PTPRA: variants seen among roughly 807,000 people sequenced by gnomAD.
PTPRA encodes the protein protein tyrosine phosphatase receptor type A.
Under a neutral mutation model 104.8 loss-of-function variants are expected in PTPRA, and 25 were observed. The ratio of observed to expected loss-of-function variants is 0.24; its 90% CI spans 0.17 to 0.33. The LOEUF is 0.33. Ranked by LOEUF, PTPRA falls within the 10% of genes least tolerant of loss-of-function variation. The pLI, the probability that PTPRA is intolerant of heterozygous loss-of-function variation, is 1.00. For synonymous variants in PTPRA, 323 were observed against 368.9 expected, an observed-to-expected ratio of 0.88 and a Z score of 1.43; for missense variants, 765 against 1,015.3, an observed-to-expected ratio of 0.75 and a Z score of 3.35.
intron 11 of PTPRA, among the ~76,000 whole-genome samples, chr20:3,007,793 T>A (rs1019133877): frequency 3.4e-5 from 5 of 145,434 alleles, no homozygotes; most frequent in African/African-American, 1.3e-4. Flanking sequence ...CTATATTATA[T>A]ATGTGTGTGT....
intron 20 of PTPRA, among the ~76,000 whole-genome samples, chr20:3,029,641 A>G (rs1355792500): frequency 7.7e-5 from 11 of 143,392 alleles, no homozygotes; most frequent in South Asian, 2.2e-4. Context: ...GGTTCTGGCA[A>G]TTCTCCTGCC....
intron 1 of PTPRA, among the ~76,000 whole-genome samples, chr20:2,920,211 G>C (rs922347011): frequency 2.0e-5 from 3 of 152,188 alleles, no homozygotes; most frequent in Non-Finnish European, 4.4e-5. Flanking sequence ...TTGAATCAGA[G>C]GTACTTGTGA....
At chr20:2,980,476 C>T (rs2062625566) in intron 6 of PTPRA, among the ~76,000 whole-genome samples, 1 of 151,946 alleles carries the variant, frequency 6.6e-6, no homozygotes, top group African/African-American at 2.4e-5. Flanking sequence ...ATCGCTCGAA[C>T]CAGGAGGCCG....
chr20:2,867,509 C>T, the PTPRA span, among the ~76,000 whole-genome samples: 1 of 72,614 alleles, frequency 1.4e-5, no homozygotes, highest in Non-Finnish European at 2.3e-5. Context: ...CTCTGCTCTC[C>T]CTGTCTAGCC....
chr20:2,982,698 A>AT (rs397962787), intron 6 of PTPRA, among the ~76,000 whole-genome samples: 27 of 147,830 alleles, frequency 1.8e-4, no homozygotes, highest in Non-Finnish European at 3.3e-4. Flanking sequence ...AATAACAGCA[A>AT]TTTTTTTTTT....
chr20:2,968,019 C>G (rs1568674199), intron 5 of PTPRA, among the ~76,000 whole-genome samples: 1 of 152,180 alleles, frequency 6.6e-6, no homozygotes, highest in Non-Finnish European at 1.5e-5. Flanking sequence ...TTGTCGATCT[C>G]TAGGGCTACT....
intron 1 of PTPRA, among the ~76,000 whole-genome samples, chr20:2,904,238 A>G (rs1284254395): frequency 2.0e-5 from 3 of 152,108 alleles, no homozygotes; most frequent in Non-Finnish European, 2.9e-5. Flanking sequence ...AATTAAATTC[A>G]TGTTAAGTGC....
intron 6 of PTPRA, among the ~76,000 whole-genome samples, chr20:2,986,066 AC>A (rs1454552983): frequency 1.3e-5 from 2 of 151,898 alleles, no homozygotes; most frequent in Non-Finnish European, 2.9e-5. Context: ...ACATCACCAC[AC>A]CGGCTATTTT....
intron 11 of PTPRA, among the ~76,000 whole-genome samples, chr20:3,009,028 C>T (rs1205278383): frequency 2.0e-5 from 3 of 152,060 alleles, no homozygotes; most frequent in African/African-American, 7.2e-5. Context: ...CTGTTTCTTC[C>T]TCTGAGAGTG....
At chr20:2,994,818 A>G (rs1259265952) in intron 9 of PTPRA, among the ~76,000 whole-genome samples, 1 of 152,238 alleles carries the variant, frequency 6.6e-6, no homozygotes, top group Non-Finnish European at 1.5e-5. Context: ...TCTTTTGACC[A>G]TACCATAATT....
chr20:2,890,763 C>G (rs933351193), intron 1 of PTPRA, among the ~76,000 whole-genome samples: 1 of 152,178 alleles, frequency 6.6e-6, no homozygotes, highest in African/African-American at 2.4e-5. Context: ...CTCTTTCTAT[C>G]TTTGTGGCCA....
intron 5 of PTPRA, 86 bp from the exon 6 acceptor site, chr20:2,975,129 T>C (rs1399243710): frequency 5.0e-6 from 6 of 1,206,908 alleles, no homozygotes; most frequent in Non-Finnish European, 7.0e-6. Flanking sequence ...TTCCTAATCC[T>C]GGAGCTTGTT....
chr20:2,997,635 C>T (rs1282232696), intron 9 of PTPRA, among the ~76,000 whole-genome samples: 2 of 152,166 alleles, frequency 1.3e-5, no homozygotes, highest in African/African-American at 2.4e-5. Context: ...TGAATGCCCA[C>T]CTGATTAGAA....
At chr20:2,978,628 A>C (rs1410114430) in intron 6 of PTPRA, among the ~76,000 whole-genome samples, 3 of 152,234 alleles carry the variant, frequency 2.0e-5, no homozygotes, top group South Asian at 2.1e-4. Context: ...GTCCCGGGAC[A>C]CCATTTTAGT....
intron 5 of PTPRA, among the ~76,000 whole-genome samples, chr20:2,968,194 A>G (rs2062015174): frequency 6.6e-6 from 1 of 152,186 alleles, no homozygotes; most frequent in Non-Finnish European, 1.5e-5. Flanking sequence ...ACATATCTAA[A>G]AATATCTTTA....
the PTPRA span, chr20:2,866,876 C>T: frequency 2.7e-6 from 1 of 375,976 alleles, no homozygotes; most frequent in African/African-American, 2.0e-5. Flanking sequence ...GAAACGTGTC[C>T]TCTCCACAGT....
At chr20:2,982,105 T>C (rs1460076213) in intron 6 of PTPRA, among the ~76,000 whole-genome samples, 4 of 151,198 alleles carry the variant, frequency 2.6e-5, no homozygotes, top group Non-Finnish European at 5.9e-5. Context: ...TTTTTTTTTT[T>C]TTTGAGGCAG....
intron 20 of PTPRA, among the ~76,000 whole-genome samples, chr20:3,031,386 T>C (rs2065447254): frequency 6.6e-6 from 1 of 151,938 alleles, no homozygotes; most frequent in Non-Finnish European, 1.5e-5. Flanking sequence ...GCTTTTCTTC[T>C]ACTGGTCTTG....
chr20:2,989,784 A>G (rs371359506), intron 9 of PTPRA, among the ~76,000 whole-genome samples: 1,790 of 152,170 alleles, frequency 0.012, 14 homozygotes, highest in Non-Finnish European at 0.017. Context: ...TTGGGAGGCC[A>G]AGGCGGGCGG....
Sources: gnomAD v4.1 joint callset for allele counts (sites outside exome capture counted in the v4.1 genomes callset) on GRCh38, gnomAD v4.1.1 for gene constraint, MANE v1.5 for transcripts, NCBI Gene and HGNC (gene_info 2026-07-23, HGNC 2026-07-21) for gene names.